WDR27: variants seen among roughly 807,000 people sequenced by gnomAD.
The protein encoded by WDR27 is WD repeat-containing protein 27.
A neutral mutation model predicts 114.4 loss-of-function variants in WDR27; 100 were observed. The ratio of observed to expected loss-of-function variants is 0.87; its 90% CI spans 0.74 to 1.03. The LOEUF is 1.03. Among genes scored for constraint, WDR27 ranks in the 50% least tolerant of loss-of-function variants. WDR27 has a pLI of 0.00. For synonymous variants in WDR27, 449 were observed against 423.1 expected (o/e 1.06, Z -0.75); for missense variants, 1,129 against 1,092.9 (o/e 1.03, Z -0.47).
rs761238580 is a variant in WDR27, at chr6:169,664,244, C to T, written c.826G>A (p.Val276Met). The T allele has an allele frequency of 5.6e-6, 9 of 1,613,830 alleles. No homozygotes were observed. The Middle Eastern group carries it at 8.3e-4, about 148-fold the overall frequency. ...SLMDGHHYRRVARVDLRKKTE... is the reference protein window; with the variant it reads ...SLMDGHHYRRMARVDLRKKTE... ...TTCTTCCTTAGGTCAACCCGTGCCA[C>T]ACGACGATAATGGTGTCCATCCATC... Residue 276 changes from valine to methionine, a missense_variant, in exon 8 of 26, where the codon GTG becomes ATG. Val to Met is a conservative substitution (Grantham distance 21). Transcript: ENST00000448612.
intron 25 of WDR27, among the ~76,000 whole-genome samples, chr6:169,565,273 G>A (rs1408542981): frequency 6.6e-6 from 1 of 152,116 alleles, no homozygotes; most frequent in African/African-American, 2.4e-5. Flanking sequence ...ATTTTTGGGG[G>A]GCAAAATTTT....
rs143278642 is a variant in WDR27 at position 169,621,739 on chromosome 6, TACAC to T, written c.2224-8087_2224-8084del. Among the ~76,000 whole-genome samples, 632 of 134,016 alleles carry T rather than the reference TACAC, an allele frequency of 4.7e-3. 5 individuals carry two copies. The highest frequency in any genetic ancestry group is 0.016 in the African/African-American group (559 of 35,392). 87.9% of individuals were successfully genotyped at this position (134,016 alleles called of 152,430 possible). ...GCATATACACATTCACACATATACA[TACAC>T]ACACACACGCACACATATATACAGA... On this transcript the variant is annotated intron_variant, in intron 21 of 25. Coordinates refer to ENST00000448612, the MANE Select transcript of WDR27 (RefSeq NM_182552.5).
chr6:169,511,820 A>T (rs1792933557), intron 25 of WDR27, among the ~76,000 whole-genome samples: 2 of 152,322 alleles, frequency 1.3e-5, no homozygotes, highest in South Asian at 4.1e-4. Flanking sequence ...TAAAAAATTG[A>T]TGGATAGATG....
At chr6:169,653,969 CG>C (rs1823310847) in intron 13 of WDR27, among the ~76,000 whole-genome samples, 1 of 152,210 alleles carries the variant, frequency 6.6e-6, no homozygotes, top group South Asian at 2.1e-4. Flanking sequence ...CTTAAAAGGC[CG>C]GAAGCTGTGG....
At chr6:169,667,390 C>A (rs1355102153) in intron 5 of WDR27, 1 of 1,227,794 alleles carries the variant, frequency 8.1e-7, no homozygotes, top group Admixed American at 4.3e-5. Flanking sequence ...AATAACATCA[C>A]TTCCATAAAT....
At chr6:169,634,204 T>C (rs1427016207) in intron 20 of WDR27, among the ~76,000 whole-genome samples, 2 of 152,228 alleles carry the variant, frequency 1.3e-5, no homozygotes, top group Non-Finnish European at 2.9e-5. Context: ...TGGCATGAGC[T>C]GTACGGCACT....
downstream of WDR27, among the ~76,000 whole-genome samples, chr6:169,454,923 G>A (rs1254483710): frequency 6.6e-6 from 1 of 152,220 alleles, no homozygotes; most frequent in African/African-American, 2.4e-5. Context: ...ACCAGCCTGT[G>A]TCCACTCGGT....
intron 17 of WDR27, among the ~76,000 whole-genome samples, chr6:169,641,480 A>T (rs542607502): frequency 2.6e-5 from 4 of 152,292 alleles, no homozygotes; most frequent in African/African-American, 9.6e-5. Flanking sequence ...GAGAAGCTTC[A>T]GAAACAGAGT....
At chr6:169,536,016 C>T (rs1796157666) in intron 25 of WDR27, among the ~76,000 whole-genome samples, 1 of 152,172 alleles carries the variant, frequency 6.6e-6, no homozygotes. Context: ...GCTGAGAGAT[C>T]ACTTTACAGA....
the WDR27 span, among the ~76,000 whole-genome samples, chr6:169,435,490 G>A: frequency 6.6e-6 from 1 of 152,246 alleles, no homozygotes; most frequent in Non-Finnish European, 1.5e-5. Flanking sequence ...CACAGGGGTG[G>A]AGCTGCTCAA....
chr6:169,701,181 G>A (rs1787900474), intron 1 of WDR27, among the ~76,000 whole-genome samples: 1 of 152,168 alleles, frequency 6.6e-6, no homozygotes, highest in Admixed American at 6.5e-5. Flanking sequence ...TACTCGAGGA[G>A]TACCACTGAT....
intron 23 of WDR27, 141 bp downstream of exon 23, chr6:169,602,078 T>C: frequency 3.9e-6 from 2 of 507,856 alleles, no homozygotes; most frequent in Non-Finnish European, 6.9e-6. Flanking sequence ...TAAAATGCTA[T>C]TACTGTGTAA....
intron 4 of WDR27, among the ~76,000 whole-genome samples, chr6:169,669,355 T>C (rs890641687): frequency 2.0e-5 from 3 of 152,104 alleles, no homozygotes; most frequent in South Asian, 4.1e-4. Context: ...GTGGGGAGGA[T>C]CTCACGGGCT....
At chr6:169,511,268 C>A (rs976732607) in intron 25 of WDR27, among the ~76,000 whole-genome samples, 1 of 152,170 alleles carries the variant, frequency 6.6e-6, no homozygotes, top group Non-Finnish European at 1.5e-5. Flanking sequence ...AGTGTAAAAT[C>A]TAATACCATT....
chr6:169,554,549 G>A (rs1475658915), intron 25 of WDR27, among the ~76,000 whole-genome samples: 1 of 152,070 alleles, frequency 6.6e-6, no homozygotes, highest in South Asian at 2.1e-4. Flanking sequence ...ATTGAAGTAG[G>A]GTGCATCCTT....
chr6:169,637,901 T>A (rs952335727), intron 18 of WDR27, among the ~76,000 whole-genome samples: 1 of 151,972 alleles, frequency 6.6e-6, no homozygotes, highest in Non-Finnish European at 1.5e-5. Context: ...TGCATCTATA[T>A]GCGTGTGCCT....
chr6:169,529,175 CT>C lies in WDR27; in HGVS notation c.2645+43243del, dbSNP rs1795284610. Among the ~76,000 whole-genome samples the C allele has an allele frequency of 8.5e-5, 13 of 152,134 alleles. No homozygotes were observed. In the South Asian group the frequency reaches 2.3e-3, roughly 27 times the overall value. ...ATAACTAAGGAGGTGAAAAATCAGG[CT>C]AAAAAACAGTATTTGCACTAGAATC... is the stretch of plus-strand genomic sequence containing the variant. On this transcript the variant is annotated intron_variant, in intron 25 of 25. Transcript: ENST00000448612.
intron 25 of WDR27, among the ~76,000 whole-genome samples, chr6:169,500,514 A>G (rs1003542779): frequency 2.6e-5 from 4 of 152,196 alleles, no homozygotes; most frequent in African/African-American, 9.6e-5. Flanking sequence ...CTGGGACCTA[A>G]GAAACCTCCC....
chr6:169,608,048 TAC>T (rs1374390527), intron 22 of WDR27, among the ~76,000 whole-genome samples: 1 of 152,160 alleles, frequency 6.6e-6, no homozygotes, highest in African/African-American at 2.4e-5. Flanking sequence ...CATGCAACTG[TAC>T]TAAGCAACTG....
Sources: allele counts gnomAD v4.1 joint callset (sites outside exome capture counted in the v4.1 genomes callset), GRCh38; gene constraint gnomAD v4.1.1; transcripts MANE v1.5; gene names NCBI Gene and HGNC (gene_info 2026-07-23, HGNC 2026-07-21).